The following SOX5 variants were observed in gnomAD, a reference collection of about 807,000 sequenced individuals.
SOX5 encodes SRY-box transcription factor 5.
SOX5 carries 9 observed loss-of-function variants against 92.0 expected under a neutral mutation model. The ratio of observed to expected loss-of-function variants is 0.10; its 90% CI spans 0.06 to 0.17. The LOEUF (loss-of-function observed/expected upper bound fraction) is 0.17, where lower values mean the gene tolerates loss of function less well. SOX5 is among the 10% of genes least tolerant of loss of function. SOX5 has a pLI of 1.00. For synonymous variants in SOX5, 344 were observed against 336.3 expected (o/e 1.02, Z -0.25); for missense variants, 642 against 944.5 (o/e 0.68, Z 4.20).
chr12:24,144,390 T>G (rs1272147590), intron 4 of SOX5, among the ~76,000 whole-genome samples: 3 of 152,156 alleles, frequency 2.0e-5, no homozygotes, highest in African/African-American at 7.2e-5. Context: ...GGTAACCACA[T>G]GGATGTTATA....
chr12:24,475,992 T>TA (rs1945326159), intron 1 of SOX5, among the ~76,000 whole-genome samples: 3 of 80,938 alleles, frequency 3.7e-5, no homozygotes, highest in African/African-American at 1.2e-4. Flanking sequence ...CGAAATACAT[T>TA]TAAAAAAAAA....
chr12:23,770,929 T>C (rs1388376609), intron 3 of SOX5, among the ~76,000 whole-genome samples: 1 of 151,684 alleles, frequency 6.6e-6, no homozygotes, highest in Non-Finnish European at 1.5e-5. Flanking sequence ...CATAACAGGT[T>C]TATAAACATG....
Position 23,999,140 on chromosome 12 carries a change from C to G in SOX5, c.-1-103116G>C, listed in dbSNP as rs866048792. Among the ~76,000 whole-genome samples, 9 of 141,396 alleles carry G rather than the reference C, an allele frequency of 6.4e-5. No individual in the cohort carries two copies. The South Asian group carries it at 1.2e-3, about 19-fold the overall frequency. 92.8% of individuals were successfully genotyped at this position (141,396 alleles called of 152,430 possible). ...TTTATGAAAGTAAATAAAAAAGACT[C>G]TGTGTGTGTGTGTGTGTGTGTGTGT... On this transcript the variant is annotated intron_variant, in intron 4 of 4. Transcript: ENST00000446891.
chr12:24,152,071 G>T (rs1004690736), intron 4 of SOX5, among the ~76,000 whole-genome samples: 1 of 152,070 alleles, frequency 6.6e-6, no homozygotes, highest in African/African-American at 2.4e-5. Context: ...GCTTTCAACT[G>T]ATTTGTTTTC....
chr12:23,566,881 GA>G (rs1188437814), intron 10 of SOX5, among the ~76,000 whole-genome samples: 1 of 152,174 alleles, frequency 6.6e-6, no homozygotes, highest in Non-Finnish European at 1.5e-5. Flanking sequence ...TGGTAAGTGT[GA>G]TATTTGACAA....
intron 1 of SOX5, among the ~76,000 whole-genome samples, chr12:24,530,229 T>C (rs1951068974): frequency 6.6e-6 from 1 of 152,190 alleles, no homozygotes; most frequent in Admixed American, 6.5e-5. Context: ...AATTAACTTA[T>C]TTTATTCTCA....
chr12:23,827,864 T>C (rs1466821752), intron 3 of SOX5, among the ~76,000 whole-genome samples: 1 of 152,228 alleles, frequency 6.6e-6, no homozygotes, highest in Non-Finnish European at 1.5e-5. Context: ...TTAAGTACCA[T>C]GTCCTGCCAG....
chr12:24,421,276 C>T (rs1269900464), intron 1 of SOX5, among the ~76,000 whole-genome samples: 1 of 151,934 alleles, frequency 6.6e-6, no homozygotes, highest in Non-Finnish European at 1.5e-5. Context: ...AATGAATCAC[C>T]ACAGCATATA....
In SOX5 at chr12:24,393,665, T is replaced by C. The variant is rs1236360534; in HGVS notation, c.-250-25026A>G. Among the ~76,000 whole-genome samples, 1 of 152,226 alleles carries C rather than the reference T, an allele frequency of 6.6e-6. No individual in the cohort carries two copies. The highest frequency in any genetic ancestry group is 2.4e-5 in the African/African-American group (1 of 41,474). ...AAGACATGGCCCTTGTCATGGAAAC[T>C]AGTGCTTAATGTAGAAATTATTAAA... On this transcript the variant is annotated intron_variant, in intron 1 of 4. Coordinates refer to the SOX5 transcript ENST00000446891. The surrounding 1 kb of genome is among the most constrained non-coding windows in gnomAD (Gnocchi z 5.0).
intron 6 of SOX5, among the ~76,000 whole-genome samples, chr12:23,692,605 T>C (rs1348731558): frequency 1.3e-5 from 2 of 152,236 alleles, no homozygotes; most frequent in African/African-American, 4.8e-5. Context: ...TGTATGTGTG[T>C]GTGAAAAGAA....
rs145650118 is a variant in SOX5, at chr12:24,183,929, A to G, written c.-2+29414T>C. Among the ~76,000 whole-genome samples the G allele has an allele frequency of 1.5e-3, 229 of 152,316 alleles. 5 individuals carry two copies. Among genetic ancestry groups the G allele is most frequent in the East Asian group, 4.2e-3 (22 of 5,190 alleles). On this transcript the variant is annotated intron_variant, in intron 4 of 4. Coordinates refer to the SOX5 transcript ENST00000446891. ...TTAATTTGTGAGAACTGATGTATGT[A>G]AACACTCAGAAAGGTGTCTGACACA...
At chr12:24,094,170 C>G (rs1945029369) in intron 4 of SOX5, among the ~76,000 whole-genome samples, 1 of 152,136 alleles carries the variant, frequency 6.6e-6, no homozygotes, top group Admixed American at 6.5e-5. Context: ...TGGTCTTGAA[C>G]TTCTGACCTC....
At chr12:23,966,472 G>GAA (rs71445974) in intron 4 of SOX5, among the ~76,000 whole-genome samples, 1 of 151,752 alleles carries the variant, frequency 6.6e-6, no homozygotes, top group South Asian at 2.1e-4. Context: ...ATGCAATGAA[G>GAA]AAAAATATAT....
intron 6 of SOX5, among the ~76,000 whole-genome samples, chr12:23,700,885 A>G (rs2090532933): frequency 6.6e-6 from 1 of 151,844 alleles, no homozygotes; most frequent in Non-Finnish European, 1.5e-5. Flanking sequence ...AAGTTCTAAA[A>G]GCCTCAAATA....
intron 1 of SOX5, among the ~76,000 whole-genome samples, chr12:24,476,372 C>G (rs950267793): frequency 3.8e-4 from 58 of 152,328 alleles, no homozygotes; most frequent in African/African-American, 1.3e-3. Flanking sequence ...GCCCTCATCA[C>G]AGATCTTTGC....
In SOX5 at chr12:24,184,119, A is replaced by G. The variant is rs78099214; in HGVS notation, c.-2+29224T>C. 8.0e-3 allele frequency among the ~76,000 whole-genome samples: 1,222 copies of G among 152,276 alleles called. 6 individuals are homozygous for G. The highest frequency in any genetic ancestry group is 0.04 in the South Asian group (193 of 4,826). The stretch of plus-strand genomic sequence containing the variant: ...TAGAACTTTTAACAATAAGATGAAA[A>G]ATTACAGTAGAGATAAATGGACAAT... On this transcript the variant is annotated intron_variant, in intron 4 of 4. Transcript: ENST00000446891.
intron 3 of SOX5, 92 bp downstream of exon 3, chr12:23,845,889 TAA>T (rs1463795407): frequency 1.9e-6 from 2 of 1,053,840 alleles, no homozygotes; most frequent in Non-Finnish European, 2.9e-6. Flanking sequence ...AATTTAACTT[TAA>T]GAGTATAAAT....
At chr12:23,586,529 ATTAT>A (rs1212727515) in intron 9 of SOX5, among the ~76,000 whole-genome samples, 1 of 152,118 alleles carries the variant, frequency 6.6e-6, no homozygotes, top group Non-Finnish European at 1.5e-5. Context: ...TTTAGATTGA[ATTAT>A]TTGTCACTAA....
chr12:23,721,723 A>G (rs187385141), intron 6 of SOX5, among the ~76,000 whole-genome samples: 2 of 152,318 alleles, frequency 1.3e-5, no homozygotes, highest in East Asian at 3.9e-4. Context: ...AGAGGAGTGA[A>G]ATAATTTGCA....
Sources: gnomAD v4.1 joint callset for allele counts (sites outside exome capture counted in the v4.1 genomes callset) on GRCh38, gnomAD v4.1.1 for gene constraint, Gnocchi (gnomAD v3.1) non-coding constraint, MANE v1.5 for transcripts, NCBI Gene and HGNC (gene_info 2026-07-23, HGNC 2026-07-21) for gene names.